Variants in CLK4 observed in about 807,000 individuals in gnomAD.
CLK4 encodes the protein CDC like kinase 4.
CLK4 carries 37 observed loss-of-function variants against 64.4 expected under a neutral mutation model. The ratio of observed to expected loss-of-function variants is 0.57; its 90% CI spans 0.44 to 0.76. The LOEUF (loss-of-function observed/expected upper bound fraction) is 0.76. Ranked by LOEUF, CLK4 falls within the 30% of genes least tolerant of loss-of-function variation. CLK4 has a pLI of 0.00. For missense variants in CLK4, 457 were observed against 605.1 expected (o/e 0.76, Z 2.57); for synonymous variants, 175 against 191.6 (o/e 0.91, Z 0.72).
At chr5:178,620,369 G>A (rs1320526676) in intron 2 of CLK4, 4 of 237,348 alleles carry the variant, frequency 1.7e-5, no homozygotes, top group African/African-American at 9.0e-5. Flanking sequence ...CTGGAATACT[G>A]CATGGAATTA....
At position 178,616,973 on chromosome 5, in the gene CLK4, T is replaced by G. The variant is rs1764636548; in HGVS notation, c.476-25A>C. 3 of 1,511,040 alleles carry G rather than the reference T, an allele frequency of 2.0e-6. No homozygotes were observed. In the Admixed American group the frequency reaches 5.0e-5, roughly 25 times the overall value. 93.6% of individuals were successfully genotyped at this position (1,511,040 alleles called of 1,614,324 possible). ...TCTAGAGTGAGGAGGGAAAAAGAGG[T>G]GTAAGTACCTGAGTACAAACTGTCT... On this transcript the variant is annotated intron_variant, in intron 4 of 12. Coordinates refer to ENST00000316308, the MANE Select transcript of CLK4 (RefSeq NM_020666.3).
At chr5:178,613,982 CAT>C (rs1359710089) in intron 5 of CLK4, 139 bp from the exon 6 acceptor site, 4 of 590,216 alleles carry the variant, frequency 6.8e-6, no homozygotes, top group East Asian at 2.8e-5. Context: ...TAGCAGATTC[CAT>C]ATAACATCTT....
At chr5:178,619,581 T>A in intron 2 of CLK4, 1 of 236,426 alleles carries the variant, frequency 4.2e-6, no homozygotes, top group Admixed American at 4.5e-5. Context: ...TTCCTGTCAT[T>A]CCTGTTTGAG....
In CLK4 at chr5:178,619,714, T is replaced by G. The variant is rs1290168283; in HGVS notation, c.162-936A>C. 8.8e-5 allele frequency: 102 copies of G among 1,160,494 alleles called. No individual in the cohort carries two copies. The Admixed American group carries it at 2.7e-3, about 31-fold the overall frequency. 71.9% of individuals were successfully genotyped at this position (1,160,494 alleles called of 1,614,324 possible). ...TTCCTAAGAAACACATAAACAAAAC[T>G]TGGCAAGGAATTTCAAAGGTCATGG... On this transcript the variant is annotated intron_variant, in intron 2 of 12. Transcript: ENST00000316308.
rs113654186 is a variant in CLK4, at chr5:178,608,578, A to G, written c.1052-120T>C. 434 of 637,154 alleles carry G rather than the reference A, an allele frequency of 6.8e-4. 4 individuals carry two copies. The highest frequency in any genetic ancestry group is 6.1e-3 in the African/African-American group (329 of 53,548). 39.5% of individuals were successfully genotyped at this position (637,154 alleles called of 1,614,324 possible). On this transcript the variant is annotated intron_variant, in intron 9 of 12. Transcript: ENST00000316308. ...CCCATTTGGGAGAATAAGACACCAA[A>G]TTCAGGGTTTATAGTTCTAGTTTTA...
At chr5:178,615,695 A>T (rs976802198) in intron 5 of CLK4, among the ~76,000 whole-genome samples, 2 of 152,222 alleles carry the variant, frequency 1.3e-5, no homozygotes, top group Non-Finnish European at 2.9e-5. Context: ...TATTTACAAC[A>T]GGTTGGAAAT....
In CLK4 at chr5:178,612,469, T is replaced by C. The variant is rs1764570620; in HGVS notation, c.998A>G (p.His333Arg). 1 of 1,614,106 alleles carries C rather than the reference T, an allele frequency of 6.2e-7. No individual in the cohort carries two copies. Residue 333 changes from histidine to arginine, a missense_variant, in exon 9 of 13, where the codon CAT (histidine) becomes CGT (arginine). By Grantham distance (29) the His-to-Arg change is conservative (BLOSUM62 0). Coordinates refer to ENST00000316308, the MANE Select transcript of CLK4 (RefSeq NM_020666.3). The stretch of plus-strand genomic sequence containing the variant: ...CCGGGTAGACACCAAAGTACTGTGA[T>C]GTTCATCATCATACGTTGCACTTCC... ...DFGSATYDDE[H>R]HSTLVSTRHY...
chr5:178,605,868 G>A (rs1764459948), intron 10 of CLK4: 1 of 152,236 alleles, frequency 6.6e-6, no homozygotes, highest in Non-Finnish European at 1.5e-5. Flanking sequence ...GCAAACTTCT[G>A]TAAAGGGCCA....
chr5:178,618,883 G>T, intron 2 of CLK4, 105 bp from the exon 3 acceptor site: 1 of 788,756 alleles, frequency 1.3e-6, no homozygotes, highest in South Asian at 1.9e-5. Flanking sequence ...CTCAATATAA[G>T]AAAAAAATTC....
chr5:178,609,863 T>C (rs1468130214), intron 9 of CLK4, among the ~76,000 whole-genome samples: 2 of 143,094 alleles, frequency 1.4e-5, no homozygotes, highest in South Asian at 2.3e-4. Flanking sequence ...GAGCTGAGAT[T>C]GCACCACTGC....
Position 178,617,383 on chromosome 5 carries a change from G to A in CLK4, c.436C>T (p.His146Tyr). 6.2e-7 allele frequency: 1 copy of A among 1,614,022 alleles called. No individual in the cohort carries two copies. The highest frequency in any genetic ancestry group is 8.5e-7 in the Non-Finnish European group (1 of 1,179,904). ...SRSIEDDEEG[H>Y]LICQSGDVLR... ...ACGTCTCCACTTTGACAGATCAGGT[G>A]ACCCTCCTCATCATCCTCTATACTC... The change falls in exon 4 of 13, where the codon CAC (histidine) becomes TAC (tyrosine). Residue 146 changes from histidine to tyrosine, a missense_variant. By Grantham distance (83) the His-to-Tyr change is moderately conservative. Transcript: ENST00000316308. This position sits in a 1 kb window ranked among gnomAD's most constrained non-coding sequence, Gnocchi z 5.2.
chr5:178,623,752 G>T (rs149740585), intron 1 of CLK4, among the ~76,000 whole-genome samples: 1 of 151,836 alleles, frequency 6.6e-6, no homozygotes, highest in Non-Finnish European at 1.5e-5. Flanking sequence ...AGCCGGGGGG[G>T]GCAAATAAAA....
In CLK4 at chr5:178,608,431, A is replaced by C; in HGVS notation, c.1079T>G (p.Val360Gly). 1.2e-6 allele frequency: 2 copies of C among 1,610,800 alleles called. No individual in the cohort carries two copies. The highest frequency in any genetic ancestry group is 1.7e-6 in the Non-Finnish European group (2 of 1,178,978). The change falls in exon 10 of 13, where the codon GTT becomes GGT. Residue 360 changes from valine to glycine, a missense_variant. Val to Gly is a moderately radical substitution (Grantham distance 109). Transcript: ENST00000316308. ...AATAAGAATGCAACCTATGCTCCAA[A>C]CATCACAAGGCTGAGACCAACCTAA... ...LALGWSQPCD[V>G]WSIGCILIEY...
intron 2 of CLK4, 152 bp downstream of exon 2, chr5:178,623,104 C>T (rs1764731128): frequency 2.8e-6 from 2 of 713,764 alleles, no homozygotes; most frequent in South Asian, 1.8e-5. Context: ...GTAGCCTCAG[C>T]GCCTATCTAA....
intron 11 of CLK4, chr5:178,604,633 C>T (rs559709955): frequency 1.3e-5 from 2 of 152,032 alleles, no homozygotes; most frequent in South Asian, 2.1e-4. Flanking sequence ...CTTCATGCAA[C>T]GTAGATCCCT....
chr5:178,612,319 G>T (rs1453537176), intron 9 of CLK4, 97 bp downstream of exon 9: 4 of 1,098,492 alleles, frequency 3.6e-6, no homozygotes, highest in Non-Finnish European at 5.1e-6. Context: ...TCTGAATCCT[G>T]CTGAGAAGAT....
At position 178,616,166 on chromosome 5, in the gene CLK4, C is replaced by T. The variant is rs542734041; in HGVS notation, c.542+716G>A. Reference sequence around the variant, plus strand: ...GTGCAATGGCACAATCTTGGCTCACCGCAACCTCCGCCTTCCTCCCCTCCT... The same window carrying T: ...GTGCAATGGCACAATCTTGGCTCACTGCAACCTCCGCCTTCCTCCCCTCCT... On this transcript the variant is annotated intron_variant, in intron 5 of 12. Coordinates refer to ENST00000316308, the MANE Select transcript of CLK4 (RefSeq NM_020666.3). Among the ~76,000 whole-genome samples, 17 of 152,110 alleles carry T rather than the reference C, an allele frequency of 1.1e-4. No individual in the cohort carries two copies. The East Asian group carries it at 2.7e-3, about 24-fold the overall frequency.
At chr5:178,613,380 C>T (rs1764584686) in intron 7 of CLK4, 93 bp downstream of exon 7, 1 of 892,622 alleles carries the variant, frequency 1.1e-6, no homozygotes, top group Non-Finnish European at 1.5e-6. Flanking sequence ...GAGAGCGCCA[C>T]TGCACTCCAG....
chr5:178,623,684 A>T (rs1764741092), intron 1 of CLK4, among the ~76,000 whole-genome samples: 1 of 151,514 alleles, frequency 6.6e-6, no homozygotes, highest in Admixed American at 6.6e-5. Flanking sequence ...ACAAATTCTC[A>T]GCTTGGTGCT....
Sources: allele counts gnomAD v4.1 joint callset (sites outside exome capture counted in the v4.1 genomes callset), GRCh38; gene constraint gnomAD v4.1.1; non-coding constraint Gnocchi (gnomAD v3.1); transcripts MANE v1.5; gene names NCBI Gene and HGNC (gene_info 2026-07-23, HGNC 2026-07-21).